Variants in TMEM116 observed in about 807,000 individuals in gnomAD.
TMEM116 encodes the protein transmembrane protein 116.
Under a neutral mutation model 44.3 loss-of-function variants are expected in TMEM116, and 38 were observed. The observed-to-expected ratio is 0.86, with a 90% confidence interval of 0.66 to 1.12. TMEM116 has a LOEUF of 1.12. Among genes scored for constraint, TMEM116 ranks in the 50% most tolerant of loss-of-function variants. The pLI is 0.00. For synonymous variants in TMEM116, 132 were observed against 144.8 expected (o/e 0.91, Z 0.64); for missense variants, 354 against 401.7 (o/e 0.88, Z 1.01).
chr12:111,943,254 A>AT lies in TMEM116; in HGVS notation c.315+10dup, dbSNP rs1330901384. Reference sequence around the variant, plus strand: ...TACTATTATTAACTATCAGCCCTGAATAAAACTTACCAGTGGAGATGTGCT... The same window carrying AT: ...TACTATTATTAACTATCAGCCCTGAATTAAAACTTACCAGTGGAGATGTGCT... On this transcript the variant is annotated intron_variant, in intron 5 of 10. Transcript: ENST00000552374. The AT allele has an allele frequency of 6.2e-7, 1 of 1,604,640 alleles. No homozygotes were observed. The highest frequency in any genetic ancestry group is 1.7e-5 in the Admixed American group (1 of 59,976).
At chr12:112,010,605 G>C (rs1441511085) in intron 1 of TMEM116, 1 of 152,334 alleles carries the variant, frequency 6.6e-6, no homozygotes, top group Non-Finnish European at 1.5e-5. Flanking sequence ...TCAGAAGAGA[G>C]GAGGCCCTGG....
At chr12:111,989,432 A>C (rs2076414380) in intron 4 of TMEM116, among the ~76,000 whole-genome samples, 1 of 152,246 alleles carries the variant, frequency 6.6e-6, no homozygotes, top group Non-Finnish European at 1.5e-5. Context: ...CCTGTCTACT[A>C]TGCGTGTGCA....
intron 1 of TMEM116, among the ~76,000 whole-genome samples, chr12:112,008,402 C>T (rs1449663288): frequency 6.6e-6 from 1 of 151,814 alleles, no homozygotes; most frequent in African/African-American, 2.4e-5. Context: ...ATTGCTTGAA[C>T]CCGGGAGGCG....
At chr12:111,954,239 A>G (rs982438051) in intron 4 of TMEM116, among the ~76,000 whole-genome samples, 3 of 152,226 alleles carry the variant, frequency 2.0e-5, no homozygotes, top group Non-Finnish European at 4.4e-5. Context: ...TCACTGAGGG[A>G]GTGAGACTAC....
intron 4 of TMEM116, among the ~76,000 whole-genome samples, chr12:111,988,339 A>T (rs1469630386): frequency 6.6e-6 from 1 of 152,206 alleles, no homozygotes; most frequent in Non-Finnish European, 1.5e-5. Context: ...TTTTTATCAT[A>T]CTTAAAAATT....
Position 111,936,716 on chromosome 12 carries a change from A to G in TMEM116, c.564T>C (p.Phe188=). Residue 188 remains phenylalanine, a synonymous_variant, in exon 8 of 11, where the codon TTT becomes TTC. Transcript: ENST00000552374. ...FYGIAIFLGS[F]VLSLLTIMVL... is the part of the protein sequence containing the mutation. Reference sequence around the variant, plus strand: ...CCATAATGGTAAGGAGGCTGAGTACAAAGCTGCCCAGGAAAATGGCGATAC... The same window carrying G: ...CCATAATGGTAAGGAGGCTGAGTACGAAGCTGCCCAGGAAAATGGCGATAC... 1 of 1,614,120 alleles carries G rather than the reference A, an allele frequency of 6.2e-7. No homozygotes were observed. The highest frequency in any genetic ancestry group is 2.2e-5 in the East Asian group (1 of 44,878).
chr12:111,961,008 C>T (rs1221406169), intron 4 of TMEM116, among the ~76,000 whole-genome samples: 2 of 152,140 alleles, frequency 1.3e-5, no homozygotes, highest in African/African-American at 2.4e-5. Context: ...ACTGATCCCA[C>T]AGAAATACAA....
At chr12:112,001,216 A>G (rs2077233961) in intron 3 of TMEM116, among the ~76,000 whole-genome samples, 1 of 152,242 alleles carries the variant, frequency 6.6e-6, no homozygotes. Flanking sequence ...ATATCTTTAT[A>G]AAGTCCCAAC....
At chr12:111,968,867 C>A (rs747804440) in intron 4 of TMEM116, among the ~76,000 whole-genome samples, 1 of 151,448 alleles carries the variant, frequency 6.6e-6, no homozygotes, top group Non-Finnish European at 1.5e-5. Flanking sequence ...GTGGCGGGCA[C>A]CTGTAATCGC....
chr12:111,962,083 T>G (rs1398203888), intron 4 of TMEM116, among the ~76,000 whole-genome samples: 1 of 151,978 alleles, frequency 6.6e-6, no homozygotes, highest in African/African-American at 2.4e-5. Context: ...CAAAAGGAAT[T>G]AAATACCTAG....
At chr12:111,998,168 G>A (rs746415833) in intron 3 of TMEM116, among the ~76,000 whole-genome samples, 3 of 152,194 alleles carry the variant, frequency 2.0e-5, no homozygotes, top group Non-Finnish European at 4.4e-5. Context: ...TTGAAAGCAA[G>A]CTCACTGGCA....
chr12:111,952,933 C>T (rs2073839237), intron 4 of TMEM116, among the ~76,000 whole-genome samples: 1 of 152,138 alleles, frequency 6.6e-6, no homozygotes, highest in South Asian at 2.1e-4. Context: ...ACCTAATTCC[C>T]CATGGTCATT....
intron 3 of TMEM116, among the ~76,000 whole-genome samples, chr12:111,997,524 T>C (rs2076991072): frequency 6.6e-6 from 1 of 152,102 alleles, no homozygotes; most frequent in South Asian, 2.1e-4. Flanking sequence ...TCCTGTACTA[T>C]GGCCTGAGTG....
rs776420741 is a variant in TMEM116 at position 111,937,188 on chromosome 12, A to G, written c.421T>C (p.Cys141Arg). The change falls in exon 7 of 11, where the codon TGT (cysteine) becomes CGT (arginine). Residue 141 changes from cysteine to arginine, a missense_variant. Transcript: ENST00000552374. ...TGGCTCTGACTGAAGTTTTGGAAAC[A>G]TTCACTAGTATTTCCCAGACAGAAT... ...PVFCLGNTSE[C>R]FQNFSQSHKC... is the part of the protein sequence containing the mutation. The G allele has an allele frequency of 6.2e-7, 1 of 1,613,826 alleles. No individual in the cohort carries two copies. The highest frequency in any genetic ancestry group is 8.5e-7 in the Non-Finnish European group (1 of 1,179,896).
At chr12:111,960,334 C>A (rs1192767738) in intron 4 of TMEM116, among the ~76,000 whole-genome samples, 1 of 150,266 alleles carries the variant, frequency 6.7e-6, no homozygotes, top group Non-Finnish European at 1.5e-5. Flanking sequence ...ACTAAAAATA[C>A]AAAAAAAATT....
At chr12:111,938,496 TCAAA>T (rs1466127213) in intron 5 of TMEM116, among the ~76,000 whole-genome samples, 7 of 152,296 alleles carry the variant, frequency 4.6e-5, no homozygotes, top group Non-Finnish European at 5.9e-5. Context: ...CTTTGGGCAC[TCAAA>T]CAAATTCTTT....
At chr12:111,994,360 C>T (rs1272647369) in intron 3 of TMEM116, among the ~76,000 whole-genome samples, 2 of 152,134 alleles carry the variant, frequency 1.3e-5, no homozygotes, top group African/African-American at 4.8e-5. Context: ...CGCAATGCAA[C>T]GGGGCTCTTT....
chr12:111,994,039 A>C (rs556702213), intron 3 of TMEM116, among the ~76,000 whole-genome samples: 1 of 152,240 alleles, frequency 6.6e-6, no homozygotes, highest in Non-Finnish European at 1.5e-5. Context: ...TCTCTGAAGA[A>C]GCAGCTTGGG....
rs902819634 is a variant in TMEM116, at chr12:111,975,846, C to G, written c.210+15912G>C. On this transcript the variant is annotated intron_variant, in intron 4 of 10. Transcript: ENST00000552374. ...GAAGGTCACAGCCCAAGAGCTCAGG[C>G]CCACAAAAATAAATGCTTAAGATTT... Among the ~76,000 whole-genome samples the G allele has an allele frequency of 3.3e-5, 5 of 151,886 alleles. 1 individual carries two copies. The South Asian group carries it at 1.0e-3, about 32-fold the overall frequency.
Sources: gnomAD v4.1 joint callset for allele counts (sites outside exome capture counted in the v4.1 genomes callset) on GRCh38, gnomAD v4.1.1 for gene constraint, MANE v1.5 for transcripts, NCBI Gene and HGNC (gene_info 2026-07-23, HGNC 2026-07-21) for gene names.